TMC1: variants seen among roughly 807,000 people sequenced by gnomAD.
The protein encoded by TMC1 is transmembrane channel-like protein 1.
In TMC1, 84 loss-of-function variants were observed where a neutral mutation model predicts 105.8. The ratio of observed to expected loss-of-function variants is 0.79; its 90% CI spans 0.67 to 0.95. The LOEUF is 0.95. Ranked by LOEUF, TMC1 falls within the 40% of genes least tolerant of loss-of-function variation. The pLI is 0.00. For synonymous variants in TMC1, 315 were observed against 311.5 expected (o/e 1.01, Z -0.12); for missense variants, 817 against 914.1 (o/e 0.89, Z 1.37).
At chr9:72,594,681 G>A (rs1391070403) in intron 2 of TMC1, among the ~76,000 whole-genome samples, 1 of 152,100 alleles carries the variant, frequency 6.6e-6, no homozygotes, top group African/African-American at 2.4e-5. Flanking sequence ...TTATGTGACT[G>A]ATTTCATATT....
chr9:72,792,397 AAG>A lies in TMC1; in HGVS notation c.1566+50_1566+51del, dbSNP rs768568028. ...TGTATGGCAATTAGTAGATTAAAAA[AAG>A]AGAGTCAATATCTCTTCCATAAGAT... On this transcript the variant is annotated intron_variant, in intron 17 of 23. Transcript: ENST00000297784. The A allele has an allele frequency of 1.4e-5, 22 of 1,610,806 alleles. No homozygotes were observed. In the South Asian group the frequency reaches 1.5e-4, roughly 11 times the overall value.
At chr9:72,706,877 C>G (rs537550957) in intron 8 of TMC1, among the ~76,000 whole-genome samples, 1 of 151,418 alleles carries the variant, frequency 6.6e-6, no homozygotes, top group Admixed American at 6.6e-5. Flanking sequence ...CAGGTTCAAG[C>G]GATTTTCCTG....
At chr9:72,528,179 G>A (rs1030173772) in intron 1 of TMC1, among the ~76,000 whole-genome samples, 1 of 152,158 alleles carries the variant, frequency 6.6e-6, no homozygotes, top group African/African-American at 2.4e-5. Context: ...GAGCTAGCTA[G>A]CTCCTTCCAC....
chr9:72,531,743 T>A (rs1430300404), intron 1 of TMC1, among the ~76,000 whole-genome samples: 1 of 152,184 alleles, frequency 6.6e-6, no homozygotes, highest in East Asian at 1.9e-4. Context: ...GAATTCCTAC[T>A]TTGTCTGGCT....
chr9:72,615,645 A>T (rs1825113575), intron 2 of TMC1, among the ~76,000 whole-genome samples: 1 of 152,158 alleles, frequency 6.6e-6, no homozygotes, highest in East Asian at 1.9e-4. Flanking sequence ...AAAAAACCAT[A>T]TCCTTCAATC....
At chr9:72,834,505 C>T (rs940957673) in intron 23 of TMC1, among the ~76,000 whole-genome samples, 20 of 152,128 alleles carry the variant, frequency 1.3e-4, no homozygotes, top group African/African-American at 4.1e-4. Flanking sequence ...TATTTTTAGG[C>T]TTCTCCTCTT....
chr9:72,610,870 A>C (rs1160023999), intron 2 of TMC1, among the ~76,000 whole-genome samples: 1 of 152,236 alleles, frequency 6.6e-6, no homozygotes, highest in Non-Finnish European at 1.5e-5. Flanking sequence ...AAGATCTGGG[A>C]TATTTCCTTA....
chr9:72,822,690 T>C (rs1828895781), intron 20 of TMC1, among the ~76,000 whole-genome samples: 5 of 152,228 alleles, frequency 3.3e-5, no homozygotes, highest in Admixed American at 2.6e-4. Flanking sequence ...TCAAGGAATA[T>C]GCCATTCAAA....
At chr9:72,748,278 G>A (rs183321787) in intron 10 of TMC1, among the ~76,000 whole-genome samples, 5 of 152,188 alleles carry the variant, frequency 3.3e-5, no homozygotes, top group Non-Finnish European at 7.4e-5. Context: ...TTCCCATTTC[G>A]TAGGGATTTG....
intron 18 of TMC1, among the ~76,000 whole-genome samples, chr9:72,813,079 C>A (rs1828730278): frequency 6.6e-6 from 1 of 152,154 alleles, no homozygotes; most frequent in Non-Finnish European, 1.5e-5. Flanking sequence ...CAGGAATGAG[C>A]AGTCATTAGT....
chr9:72,639,336 A>C (rs564299093), intron 4 of TMC1, among the ~76,000 whole-genome samples: 1 of 152,354 alleles, frequency 6.6e-6, no homozygotes, highest in South Asian at 2.1e-4. Context: ...TTAAGAAAGT[A>C]GATTTCATAA....
At chr9:72,570,660 C>T (rs1824262049) in intron 1 of TMC1, among the ~76,000 whole-genome samples, 1 of 139,714 alleles carries the variant, frequency 7.2e-6, no homozygotes, top group East Asian at 2.3e-4. Flanking sequence ...GAGAAATCTA[C>T]ACTTTGCCAA....
At chr9:72,645,571 T>A (rs1825696840) in intron 4 of TMC1, among the ~76,000 whole-genome samples, 1 of 152,116 alleles carries the variant, frequency 6.6e-6, no homozygotes, top group Admixed American at 6.5e-5. Flanking sequence ...AACAATAATA[T>A]CTCTCATTAT....
chr9:72,734,935 G>A (rs1281893599), intron 8 of TMC1, among the ~76,000 whole-genome samples: 1 of 152,210 alleles, frequency 6.6e-6, no homozygotes, highest in African/African-American at 2.4e-5. Flanking sequence ...TAACACTTCT[G>A]TGTAATCGTG....
At chr9:72,806,058 G>A (rs1164581896) in intron 18 of TMC1, among the ~76,000 whole-genome samples, 1 of 152,046 alleles carries the variant, frequency 6.6e-6, no homozygotes. Flanking sequence ...TGAGCTGTTG[G>A]GCACACCTCC....
intron 12 of TMC1, among the ~76,000 whole-genome samples, chr9:72,755,833 A>G (rs11143390): frequency 1.3e-5 from 2 of 152,186 alleles, no homozygotes; most frequent in African/African-American, 2.4e-5. Context: ...AAACATTTTG[A>G]TTTCTACTTT....
chr9:72,737,494 C>T (rs73647811), intron 8 of TMC1, among the ~76,000 whole-genome samples: 2,084 of 152,238 alleles, frequency 0.014, 63 homozygotes, highest in African/African-American at 0.047. Flanking sequence ...TGTGTCAGAC[C>T]TTGCCTAGGT....
intron 2 of TMC1, among the ~76,000 whole-genome samples, chr9:72,612,549 C>G (rs904854063): frequency 6.6e-6 from 1 of 151,886 alleles, no homozygotes; most frequent in East Asian, 1.9e-4. Context: ...TGTGTTACCA[C>G]CACTTAACTC....
chr9:72,590,383 A>G lies in TMC1; in HGVS notation c.-306+12360A>G, dbSNP rs532905206. The stretch of plus-strand genomic sequence containing the variant: ...ACTGAGCAAAGCTCAATCCTGGGCT[A>G]TTGTAGAATCTTAGTCACTGAATCA... On this transcript the variant is annotated intron_variant, in intron 2 of 23. Coordinates refer to ENST00000297784, the MANE Select transcript of TMC1 (RefSeq NM_138691.3). Among the ~76,000 whole-genome samples the G allele has an allele frequency of 3.9e-5, 6 of 152,326 alleles. No individual in the cohort carries two copies. In the East Asian group the frequency reaches 9.6e-4, roughly 24 times the overall value.
Sources: allele counts gnomAD v4.1 joint callset (sites outside exome capture counted in the v4.1 genomes callset), GRCh38; gene constraint gnomAD v4.1.1; transcripts MANE v1.5; gene names NCBI Gene and HGNC (gene_info 2026-07-23, HGNC 2026-07-21).